The following COL14A1 variants were observed in gnomAD, a reference collection of about 807,000 sequenced individuals.
The protein encoded by COL14A1 is collagen type XIV alpha 1 chain.
In COL14A1, 136 loss-of-function variants were observed where a neutral mutation model predicts 230.3. That is an observed-to-expected ratio of 0.59 (90% CI 0.51 to 0.68). The LOEUF (loss-of-function observed/expected upper bound fraction) is 0.68. Ranked by LOEUF, COL14A1 falls within the 30% of genes least tolerant of loss-of-function variation. The pLI, the probability that COL14A1 is intolerant of heterozygous loss-of-function variation, is 0.00. For synonymous variants in COL14A1, 792 were observed against 784.1 expected (o/e 1.01, Z -0.17); for missense variants, 1,976 against 2,215.8 (o/e 0.89, Z 2.17).
chr8:120,201,159 G>A (rs1194494828), intron 8 of COL14A1, among the ~76,000 whole-genome samples: 2 of 152,038 alleles, frequency 1.3e-5, no homozygotes, highest in African/African-American at 4.8e-5. Context: ...CTATAGTAAT[G>A]TAGCCATTAC....
At position 120,220,792 on chromosome 8, in the gene COL14A1, GTGATGATAATGGTGA is replaced by G. The variant is rs1817908652; in HGVS notation, c.1738-4290_1738-4276del. Among the ~76,000 whole-genome samples the G allele has an allele frequency of 3.3e-5, 5 of 152,086 alleles. No individual in the cohort carries two copies. The South Asian group carries it at 1.0e-3, about 32-fold the overall frequency. On this transcript the variant is annotated intron_variant, in intron 14 of 47. Transcript: ENST00000297848. ...GATGATGATAATGATGGTGATGATG[GTGATGATAATGGTGA>G]TGATGGTGATGATGATGGTGATAAT...
chr8:120,166,985 A>G (rs1370831861), intron 4 of COL14A1, among the ~76,000 whole-genome samples: 1 of 148,732 alleles, frequency 6.7e-6, no homozygotes, highest in Non-Finnish European at 1.5e-5. Flanking sequence ...AAGTCGGTGA[A>G]TGAGGTTTTA....
chr8:120,270,794 G>A (rs1233508708), intron 26 of COL14A1, among the ~76,000 whole-genome samples: 1 of 151,678 alleles, frequency 6.6e-6, no homozygotes, highest in Non-Finnish European at 1.5e-5. Flanking sequence ...AATTAATTCA[G>A]CCATTAGATA....
chr8:120,335,045 G>A (rs1822005284), intron 42 of COL14A1, among the ~76,000 whole-genome samples: 1 of 152,146 alleles, frequency 6.6e-6, no homozygotes, highest in Non-Finnish European at 1.5e-5. Context: ...ACCCAGGCTA[G>A]GAAAAAGCAA....
chr8:120,207,975 A>G (rs1016482349), intron 10 of COL14A1, among the ~76,000 whole-genome samples: 6 of 152,228 alleles, frequency 3.9e-5, no homozygotes, highest in Non-Finnish European at 8.8e-5. Flanking sequence ...TAAATAGGAT[A>G]ATAATTAGCC....
chr8:120,339,180 G>A (rs1483151083), intron 42 of COL14A1, among the ~76,000 whole-genome samples: 16 of 152,154 alleles, frequency 1.1e-4, no homozygotes, highest in Non-Finnish European at 1.5e-5. Context: ...TCACCATATT[G>A]GTCAGGCTGA....
intron 32 of COL14A1, 51 bp downstream of exon 32, chr8:120,283,829 A>G (rs1228868540): frequency 2.0e-6 from 3 of 1,504,122 alleles, no homozygotes; most frequent in Non-Finnish European, 2.7e-6. Flanking sequence ...TGAGTAATGT[A>G]TGTGGCATGC....
At chr8:120,305,266 C>T (rs1820824697) in intron 36 of COL14A1, among the ~76,000 whole-genome samples, 1 of 152,162 alleles carries the variant, frequency 6.6e-6, no homozygotes, top group Admixed American at 6.5e-5. Flanking sequence ...AGGCGTGAGC[C>T]ACCGCACCTG....
At position 120,252,167 on chromosome 8, in the gene COL14A1, A is replaced by G. The variant is rs754581335; in HGVS notation, c.2752+1401A>G. On this transcript the variant is annotated intron_variant, in intron 22 of 47. Transcript: ENST00000297848. ...TTTTATTTTCTTTTTTGATAGTCAA[A>G]TGACATCTTTATTTTATTTTATTTA... is the stretch of plus-strand genomic sequence containing the variant. Among the ~76,000 whole-genome samples, 5 of 152,300 alleles carry G rather than the reference A, an allele frequency of 3.3e-5. 1 individual carries two copies. The South Asian group carries it at 8.3e-4, about 25-fold the overall frequency.
At chr8:120,274,557 T>C (rs1435570032) in intron 26 of COL14A1, among the ~76,000 whole-genome samples, 1 of 151,790 alleles carries the variant, frequency 6.6e-6, no homozygotes, top group Non-Finnish European at 1.5e-5. Context: ...GCCAATGATA[T>C]GATCATATAC....
intron 25 of COL14A1, 155 bp downstream of exon 25, chr8:120,267,038 T>G: frequency 1.6e-6 from 1 of 625,368 alleles, no homozygotes. Context: ...ATGATGGGCT[T>G]GAATGATATC....
At chr8:120,139,873 A>G (rs1814841901) in intron 1 of COL14A1, among the ~76,000 whole-genome samples, 1 of 152,018 alleles carries the variant, frequency 6.6e-6, no homozygotes, top group South Asian at 2.1e-4. Flanking sequence ...AAAAAAATAA[A>G]AAAAACTAGC....
intron 19 of COL14A1, among the ~76,000 whole-genome samples, chr8:120,234,273 C>T (rs1283862206): frequency 6.6e-6 from 1 of 152,186 alleles, no homozygotes; most frequent in Non-Finnish European, 1.5e-5. Context: ...GACAATTTGA[C>T]TTTCTCTCTT....
intron 4 of COL14A1, among the ~76,000 whole-genome samples, chr8:120,166,874 A>ATGTGTGTG (rs1815894389): frequency 1.7e-5 from 1 of 58,656 alleles, no homozygotes. Context: ...AAAAGAATTT[A>ATGTGTGTG]AGTGTGTGTG....
At chr8:120,133,658 G>C (rs1157781784) in intron 1 of COL14A1, among the ~76,000 whole-genome samples, 2 of 152,134 alleles carry the variant, frequency 1.3e-5, no homozygotes, top group Admixed American at 1.3e-4. Flanking sequence ...ATTTGTGTTT[G>C]TCTTCTCTAA....
chr8:120,200,380 A>G (rs994588745), intron 8 of COL14A1, among the ~76,000 whole-genome samples: 15 of 151,892 alleles, frequency 9.9e-5, no homozygotes, highest in Non-Finnish European at 2.9e-5. Flanking sequence ...ATCTTTCTGC[A>G]TTTATCAAGA....
rs116591338 is a variant in COL14A1, at chr8:120,219,293, G to A, written c.1737+2803G>A. Among the ~76,000 whole-genome samples the A allele has an allele frequency of 9.8e-3, 1,497 of 152,080 alleles. 21 individuals are homozygous for A. Among genetic ancestry groups the A allele is most frequent in the African/African-American group, 0.029 (1,212 of 41,488 alleles). On this transcript the variant is annotated intron_variant, in intron 14 of 47. Coordinates refer to ENST00000297848, the MANE Select transcript of COL14A1 (RefSeq NM_021110.4). ...ATGCCTAGCTAATTTTTGTACAGAC[G>A]AGGTTTTGCCATGTGGCCCAGGCTG...
intron 45 of COL14A1, among the ~76,000 whole-genome samples, chr8:120,347,584 A>C (rs764397384): frequency 8.5e-4 from 130 of 152,192 alleles, no homozygotes; most frequent in Admixed American, 2.4e-3. Context: ...CCAAATATCC[A>C]GGAAAGATAA....
At chr8:120,346,198 T>C (rs2130290971) in intron 45 of COL14A1, among the ~76,000 whole-genome samples, 1 of 148,316 alleles carries the variant, frequency 6.7e-6, no homozygotes, top group East Asian at 2.0e-4. Flanking sequence ...TAAAGTTTCC[T>C]TAAAACAGAG....
Sources: allele counts gnomAD v4.1 joint callset (sites outside exome capture counted in the v4.1 genomes callset), GRCh38; gene constraint gnomAD v4.1.1; transcripts MANE v1.5; gene names NCBI Gene and HGNC (gene_info 2026-07-23, HGNC 2026-07-21).